The following GPC6 variants were observed in gnomAD, a reference collection of about 807,000 sequenced individuals.
GPC6 encodes glypican-6.
A neutral mutation model predicts 55.2 loss-of-function variants in GPC6; 14 were observed. The ratio of observed to expected loss-of-function variants is 0.25; its 90% CI spans 0.17 to 0.40. The LOEUF is 0.40. Among genes scored for constraint, GPC6 ranks in the 10% least tolerant of loss-of-function variants. GPC6 has a pLI of 1.00. For synonymous variants in GPC6, 278 were observed against 259.6 expected (o/e 1.07, Z -0.68); for missense variants, 641 against 708.5 (o/e 0.90, Z 1.08).
chr13:94,160,236 T>G (rs1422000850), intron 4 of GPC6, among the ~76,000 whole-genome samples: 1 of 152,228 alleles, frequency 6.6e-6, no homozygotes, highest in Non-Finnish European at 1.5e-5. Context: ...CATTAAACCT[T>G]ACCATAGCCA....
intron 4 of GPC6, among the ~76,000 whole-genome samples, chr13:94,133,983 C>T (rs1461704887): frequency 6.6e-6 from 1 of 152,190 alleles, no homozygotes; most frequent in Non-Finnish European, 1.5e-5. Context: ...GGACATTAAT[C>T]ATCAGTTGAA....
At chr13:94,130,069 G>T (rs1419333861) in intron 4 of GPC6, among the ~76,000 whole-genome samples, 1 of 152,126 alleles carries the variant, frequency 6.6e-6, no homozygotes, top group African/African-American at 2.4e-5. Context: ...GATGGAGCAA[G>T]ATATATTTAA....
At chr13:94,316,216 A>T (rs1876516409) in intron 6 of GPC6, among the ~76,000 whole-genome samples, 1 of 152,234 alleles carries the variant, frequency 6.6e-6, no homozygotes, top group Non-Finnish European at 1.5e-5. Flanking sequence ...AGTTCTTATT[A>T]GAGAGGGGGT....
chr13:93,782,895 A>G (rs1885700318), intron 2 of GPC6, among the ~76,000 whole-genome samples: 2 of 152,084 alleles, frequency 1.3e-5, no homozygotes, highest in South Asian at 2.1e-4. Context: ...GGTTTGTTAC[A>G]TAAGTAAAGG....
chr13:93,686,834 T>TA (rs1169365619), intron 2 of GPC6, among the ~76,000 whole-genome samples: 1 of 152,120 alleles, frequency 6.6e-6, no homozygotes, highest in Non-Finnish European at 1.5e-5. Flanking sequence ...ATTCTTCATT[T>TA]AATGAAGAAC....
chr13:93,293,933 T>TA (rs1450686637), intron 1 of GPC6, among the ~76,000 whole-genome samples: 2 of 151,162 alleles, frequency 1.3e-5, no homozygotes, highest in African/African-American at 4.9e-5. Context: ...ACTCTATTCT[T>TA]ACTTCAATTA....
chr13:94,288,839 TAACAA>T (rs1874718938), intron 5 of GPC6, among the ~76,000 whole-genome samples: 1 of 108,190 alleles, frequency 9.2e-6, no homozygotes, highest in East Asian at 2.4e-4. Flanking sequence ...TTGTTATATA[TAACAA>T]ATATATATAA....
chr13:94,021,666 T>C (rs1408444858), intron 3 of GPC6, among the ~76,000 whole-genome samples: 1 of 152,100 alleles, frequency 6.6e-6, no homozygotes, highest in Non-Finnish European at 1.5e-5. Context: ...TCAATGATTT[T>C]TGTTATTTTA....
intron 1 of GPC6, among the ~76,000 whole-genome samples, chr13:93,307,524 A>G (rs1046700460): frequency 6.6e-6 from 1 of 152,156 alleles, no homozygotes; most frequent in South Asian, 2.1e-4. Flanking sequence ...AATTCTAATT[A>G]TAAACCACTC....
rs1422918620 is a variant in GPC6, at chr13:93,325,010, G to T, written c.160+97394G>T. On this transcript the variant is annotated intron_variant, in intron 1 of 8. Transcript: ENST00000377047. Reference sequence around the variant, plus strand: ...TATTTGCCTGGAAAAAACGAAAAAAGGAATTCATGCACAGCAATTGAGCTA... The same window carrying T: ...TATTTGCCTGGAAAAAACGAAAAAATGAATTCATGCACAGCAATTGAGCTA... Among the ~76,000 whole-genome samples the T allele has an allele frequency of 2.6e-5, 4 of 152,032 alleles. No individual in the cohort carries two copies. The East Asian group carries it at 7.7e-4, about 29-fold the overall frequency.
At chr13:93,890,344 A>G (rs1326254602) in intron 3 of GPC6, among the ~76,000 whole-genome samples, 1 of 152,136 alleles carries the variant, frequency 6.6e-6, no homozygotes, top group East Asian at 1.9e-4. Context: ...TCTATCACAG[A>G]GGAAATAAGA....
chr13:94,177,740 T>G (rs1327655650), intron 4 of GPC6, among the ~76,000 whole-genome samples: 1 of 152,128 alleles, frequency 6.6e-6, no homozygotes, highest in East Asian at 1.9e-4. Context: ...CATTTTTAGT[T>G]ATTTCAATAT....
At chr13:93,235,515 G>T (rs1876203793) in intron 1 of GPC6, among the ~76,000 whole-genome samples, 1 of 151,976 alleles carries the variant, frequency 6.6e-6, no homozygotes, top group Non-Finnish European at 1.5e-5. Flanking sequence ...GAGGGAAGAA[G>T]GACAGCTAGG....
Position 93,830,612 on chromosome 13 carries a change from T to TA in GPC6, c.711+93dup, listed in dbSNP as rs369020255. On this transcript the variant is annotated intron_variant, in intron 3 of 8. Transcript: ENST00000377047. ...TTATTCTGTTTTTAAAACCAATGTT[T>TA]AAAAAAAAAAAAAAAAAAAAAAAAA... The TA allele has an allele frequency of 0.069, 22,353 of 325,354 alleles. 243 individuals carry two copies. Among genetic ancestry groups the TA allele is most frequent in the South Asian group, 0.1 (3,510 of 33,584 alleles). 20.2% of individuals were successfully genotyped at this position (325,354 alleles called of 1,614,324 possible). A position where few individuals can be genotyped will look rare whatever the true frequency, so the allele number is the denominator to read the frequency against.
chr13:93,682,862 G>T (rs1433632587), intron 2 of GPC6, among the ~76,000 whole-genome samples: 2 of 118,524 alleles, frequency 1.7e-5, no homozygotes, highest in Non-Finnish European at 3.9e-5. Flanking sequence ...AAAAAAAAAA[G>T]GGAAAAGTAG....
upstream of GPC6, among the ~76,000 whole-genome samples, chr13:93,223,377 T>C (rs760696175): frequency 3.3e-5 from 5 of 152,202 alleles, no homozygotes; most frequent in Non-Finnish European, 5.9e-5. Flanking sequence ...AGTTGTATTG[T>C]CTTTTATTAA....
chr13:94,057,964 C>T (rs1326790616), intron 4 of GPC6, among the ~76,000 whole-genome samples: 6 of 152,144 alleles, frequency 3.9e-5, no homozygotes, highest in Admixed American at 1.3e-4. Flanking sequence ...AACATGCCCC[C>T]AGAGATTCTG....
chr13:93,982,577 G>A (rs1051406030), intron 3 of GPC6, among the ~76,000 whole-genome samples: 4 of 152,030 alleles, frequency 2.6e-5, no homozygotes, highest in East Asian at 1.9e-4. Flanking sequence ...AATCTTGTTC[G>A]AATTTTTTAT....
At chr13:93,305,301 T>G (rs748986313) in intron 1 of GPC6, among the ~76,000 whole-genome samples, 1 of 152,088 alleles carries the variant, frequency 6.6e-6, no homozygotes, top group Non-Finnish European at 1.5e-5. Context: ...ACTTCTCTAG[T>G]GATTATGATG....
Sources: allele counts gnomAD v4.1 joint callset (sites outside exome capture counted in the v4.1 genomes callset), GRCh38; gene constraint gnomAD v4.1.1; transcripts MANE v1.5; gene names NCBI Gene and HGNC (gene_info 2026-07-23, HGNC 2026-07-21).